ZNF565: variants seen among roughly 807,000 people sequenced by gnomAD.
ZNF565 encodes the protein zinc finger protein 565.
A neutral mutation model predicts 39.4 loss-of-function variants in ZNF565; 27 were observed. The ratio of observed to expected loss-of-function variants is 0.69; its 90% CI spans 0.51 to 0.95. The LOEUF is 0.95. ZNF565 is among the 40% of genes least tolerant of loss of function. The probability of loss-of-function intolerance (pLI) is 0.00; values close to 1 mark genes in which losing one functional copy is unlikely to be tolerated. For missense variants in ZNF565, 524 were observed against 621.1 expected (o/e 0.84, Z 1.66); for synonymous variants, 185 against 216.6 (o/e 0.85, Z 1.28).
At chr19:36,186,291 G>T (rs1185274826) in intron 4 of ZNF565, among the ~76,000 whole-genome samples, 3 of 152,176 alleles carry the variant, frequency 2.0e-5, no homozygotes, top group Admixed American at 2.0e-4. Context: ...CAGCCACCAT[G>T]CCCGGCAAAA....
intron 2 of ZNF565, among the ~76,000 whole-genome samples, chr19:36,200,679 G>T (rs1381179992): frequency 6.6e-6 from 1 of 151,298 alleles, no homozygotes; most frequent in Non-Finnish European, 1.5e-5. Flanking sequence ...AGTAGAGACG[G>T]GGTTTCACCA....
At chr19:36,213,955 C>T (rs1976476972) in intron 1 of ZNF565, among the ~76,000 whole-genome samples, 1 of 151,978 alleles carries the variant, frequency 6.6e-6, no homozygotes, top group African/African-American at 2.4e-5. Flanking sequence ...TAGTCACAAG[C>T]CCCACACACC....
At chr19:36,226,613 G>A (rs902452049) in intron 1 of ZNF565, among the ~76,000 whole-genome samples, 3 of 152,008 alleles carry the variant, frequency 2.0e-5, no homozygotes, top group Non-Finnish European at 2.9e-5. Flanking sequence ...TTGTGGACAT[G>A]CTTCCTTTAT....
At chr19:36,193,810 C>T (rs1975661608) in intron 4 of ZNF565, among the ~76,000 whole-genome samples, 1 of 152,162 alleles carries the variant, frequency 6.6e-6, no homozygotes, top group African/African-American at 2.4e-5. Context: ...CCATGGTTCA[C>T]ACCTGTAATC....
At chr19:36,228,158 CAAAA>C (rs71171422) in intron 1 of ZNF565, among the ~76,000 whole-genome samples, 3 of 106,632 alleles carry the variant, frequency 2.8e-5, no homozygotes, top group Non-Finnish European at 1.8e-5. Flanking sequence ...GAAACTGTCT[CAAAA>C]AAAAAAAAAA....
At chr19:36,185,458 A>T (rs1474730536) in intron 4 of ZNF565, among the ~76,000 whole-genome samples, 1 of 150,656 alleles carries the variant, frequency 6.6e-6, no homozygotes, top group Non-Finnish European at 1.5e-5. Context: ...GCCATGGCTC[A>T]CAGGGCTCTT....
intron 1 of ZNF565, among the ~76,000 whole-genome samples, chr19:36,227,985 ACT>A (rs1293373683): frequency 6.6e-6 from 1 of 152,022 alleles, no homozygotes; most frequent in African/African-American, 2.4e-5. Flanking sequence ...ACATGGTGAA[ACT>A]CTGTCTCTAC....
intron 2 of ZNF565, among the ~76,000 whole-genome samples, 173 bp from the exon 3 acceptor site, chr19:36,195,329 A>C (rs1419628700): frequency 6.6e-6 from 1 of 151,984 alleles, no homozygotes; most frequent in Non-Finnish European, 1.5e-5. Flanking sequence ...CTTCCCTTCT[A>C]TCTTTTATTC....
upstream of ZNF565, among the ~76,000 whole-genome samples, chr19:36,216,667 T>C (rs1396816251): frequency 1.3e-5 from 2 of 151,664 alleles, no homozygotes; most frequent in African/African-American, 4.8e-5. Flanking sequence ...ATAATAGTAA[T>C]AATGTGATCC....
chr19:36,194,935 C>T (rs767291283), intron 3 of ZNF565, 95 bp downstream of exon 3: 1 of 1,582,842 alleles, frequency 6.3e-7, no homozygotes, highest in African/African-American at 1.3e-5. Flanking sequence ...AGTTTCCTCT[C>T]CTCACCCATT....
At chr19:36,217,818 G>C (rs1976673373), upstream of ZNF565, among the ~76,000 whole-genome samples, 1 of 151,760 alleles carries the variant, frequency 6.6e-6, no homozygotes, top group Admixed American at 6.6e-5. Context: ...CCGGGAGGCG[G>C]AGGTTGCAGT....
At chr19:36,182,204 C>T (rs1975111015), downstream of ZNF565, 8 of 362,076 alleles carry the variant, frequency 2.2e-5, no homozygotes, top group Non-Finnish European at 3.9e-5. Context: ...AGAAATTTAA[C>T]ATATTTTGAA....
At chr19:36,219,743 A>C (rs1976757667) in intron 1 of ZNF565, among the ~76,000 whole-genome samples, 1 of 152,178 alleles carries the variant, frequency 6.6e-6, no homozygotes, top group South Asian at 2.1e-4. Flanking sequence ...AGGTATTGTA[A>C]AGTGATGATT....
chr19:36,198,838 G>A (rs988624368), intron 2 of ZNF565, among the ~76,000 whole-genome samples: 2 of 152,122 alleles, frequency 1.3e-5, no homozygotes, highest in African/African-American at 2.4e-5. Flanking sequence ...GATCTCAAGT[G>A]ATCCACCTGC....
chr19:36,211,860 CCCA>C (rs1418033085), intron 1 of ZNF565, among the ~76,000 whole-genome samples: 3 of 151,810 alleles, frequency 2.0e-5, no homozygotes, highest in Admixed American at 6.6e-5. Flanking sequence ...ACCCCAAAAC[CCCA>C]CCATTTGACA....
Position 36,188,140 on chromosome 19 carries a change from A to ATCAT in ZNF565, c.233-4408_233-4407insATGA, listed in dbSNP as rs1441188405. On this transcript the variant is annotated intron_variant, in intron 4 of 4. Transcript: ENST00000304116. ...GGGAAGCCAAGACAGATGGATCATG[A>ATCAT]GGTCAGGAGTTCGAGCCCAGCCTGG... Among the ~76,000 whole-genome samples, 7 of 150,478 alleles carry ATCAT rather than the reference A, an allele frequency of 4.7e-5. No individual in the cohort carries two copies. In the East Asian group the frequency reaches 1.4e-3, roughly 31 times the overall value.
intron 1 of ZNF565, among the ~76,000 whole-genome samples, chr19:36,241,781 C>CAAAAA: frequency 1.3e-5 from 1 of 79,768 alleles, no homozygotes; most frequent in Non-Finnish European, 2.4e-5. Context: ...AGAAGAGTGT[C>CAAAAA]AAAAAAAAAA....
chr19:36,210,175 C>T (rs1216270134), intron 1 of ZNF565, among the ~76,000 whole-genome samples: 1 of 151,780 alleles, frequency 6.6e-6, no homozygotes, highest in Non-Finnish European at 1.5e-5. Context: ...AATCACAGCA[C>T]TTTGGGAGGC....
intron 1 of ZNF565, among the ~76,000 whole-genome samples, chr19:36,225,123 C>A (rs1400539801): frequency 6.6e-6 from 1 of 152,040 alleles, no homozygotes; most frequent in Admixed American, 6.6e-5. Flanking sequence ...AAGATACTGG[C>A]TTTTGTGGTC....
Sources: allele counts gnomAD v4.1 joint callset (sites outside exome capture counted in the v4.1 genomes callset), GRCh38; gene constraint gnomAD v4.1.1; transcripts MANE v1.5; gene names NCBI Gene and HGNC (gene_info 2026-07-23, HGNC 2026-07-21).